TANC2: variants seen among roughly 807,000 people sequenced by gnomAD.
TANC2 encodes protein TANC2.
TANC2 carries 26 observed loss-of-function variants against 210.5 expected under a neutral mutation model. That is an observed-to-expected ratio of 0.12 (90% CI 0.09 to 0.17). The LOEUF (loss-of-function observed/expected upper bound fraction) is 0.17. Ranked by LOEUF, TANC2 falls within the 10% of genes least tolerant of loss-of-function variation. The probability of loss-of-function intolerance (pLI) is 1.00; values close to 1 mark genes in which losing one functional copy is unlikely to be tolerated. For missense variants in TANC2, 2,129 were observed against 2,608.9 expected, an observed-to-expected ratio of 0.82 and a Z score of 4.01; for synonymous variants, 931 against 967.1, an observed-to-expected ratio of 0.96 and a Z score of 0.69.
intron 14 of TANC2, among the ~76,000 whole-genome samples, chr17:63,366,260 A>C (rs541563063): frequency 6.0e-4 from 92 of 152,334 alleles, no homozygotes; most frequent in Non-Finnish European, 1.1e-3. Flanking sequence ...TTTATTAAGT[A>C]ATATATTTAA....
chr17:63,179,852 C>G (rs2040717162), intron 5 of TANC2, among the ~76,000 whole-genome samples: 1 of 151,532 alleles, frequency 6.6e-6, no homozygotes, highest in Admixed American at 6.6e-5. Flanking sequence ...CTTTAATTTA[C>G]AAAATATTTC....
intron 4 of TANC2, among the ~76,000 whole-genome samples, chr17:63,110,479 TTC>T: frequency 6.6e-6 from 1 of 151,832 alleles, no homozygotes; most frequent in South Asian, 2.1e-4. Context: ...GAAATCTATT[TTC>T]TCACAGTTCT....
intron 2 of TANC2, among the ~76,000 whole-genome samples, chr17:63,037,885 ATTAG>A (rs921848246): frequency 1.3e-5 from 2 of 152,128 alleles, no homozygotes; most frequent in Non-Finnish European, 2.9e-5. Context: ...AAACTAACTT[ATTAG>A]TTCTAATCGA....
chr17:63,321,551 A>T (rs557269068), intron 11 of TANC2, among the ~76,000 whole-genome samples: 2 of 152,304 alleles, frequency 1.3e-5, no homozygotes, highest in African/African-American at 4.8e-5. Context: ...CCCAAAAGTC[A>T]GTATTCCTAA....
chr17:63,212,958 A>G (rs7218735), intron 7 of TANC2, among the ~76,000 whole-genome samples: 3,761 of 152,340 alleles, frequency 0.025, 155 homozygotes, highest in African/African-American at 0.085. Flanking sequence ...TATGAGACAT[A>G]TATCTGCTAA....
At chr17:63,323,239 A>G (rs1332719574) in intron 11 of TANC2, among the ~76,000 whole-genome samples, 1 of 152,168 alleles carries the variant, frequency 6.6e-6, no homozygotes, top group Non-Finnish European at 1.5e-5. Flanking sequence ...TCAATTTGAC[A>G]TATTCTTGGT....
chr17:63,220,077 C>T (rs142572019), intron 7 of TANC2, among the ~76,000 whole-genome samples: 12 of 151,998 alleles, frequency 7.9e-5, no homozygotes, highest in South Asian at 2.1e-4. Context: ...GGTGGATCAC[C>T]GGAGGTCAGG....
chr17:63,287,059 G>A (rs569249461), intron 9 of TANC2, among the ~76,000 whole-genome samples: 4 of 152,012 alleles, frequency 2.6e-5, no homozygotes, highest in East Asian at 3.9e-4. Context: ...TCAGCCTCCC[G>A]AGTAGCTGCA....
intron 3 of TANC2, among the ~76,000 whole-genome samples, chr17:63,096,901 T>A (rs1055740382): frequency 6.6e-6 from 1 of 152,198 alleles, no homozygotes; most frequent in Non-Finnish European, 1.5e-5. Context: ...ATTTTTTTAT[T>A]ATACCCATTT....
chr17:63,078,121 T>A lies in TANC2; in HGVS notation c.139+4107T>A, dbSNP rs185845714. 4.1e-3 allele frequency among the ~76,000 whole-genome samples: 618 copies of A among 152,300 alleles called. 5 individuals carry two copies. The highest frequency in any genetic ancestry group is 0.014 in the African/African-American group (599 of 41,586). ...TTTCATCCTTAACTGTTTGATACAA[T>A]TTCTCAGAAGCTAATTGGGCTTGGA... On this transcript the variant is annotated intron_variant, in intron 3 of 27. Transcript: ENST00000689528.
intron 8 of TANC2, among the ~76,000 whole-genome samples, chr17:63,264,144 AAAGAC>A (rs1395064845): frequency 6.6e-6 from 1 of 152,198 alleles, no homozygotes; most frequent in African/African-American, 2.4e-5. Flanking sequence ...CAGAACCAAA[AAAGAC>A]AAGCCCAGTT....
At chr17:63,203,873 G>C (rs1161121821) in intron 7 of TANC2, among the ~76,000 whole-genome samples, 1 of 152,116 alleles carries the variant, frequency 6.6e-6, no homozygotes, top group Non-Finnish European at 1.5e-5. Flanking sequence ...CATGTTCCAA[G>C]GAAGGTGTGT....
chr17:62,973,472 T>C (rs1479654743), intron 1 of TANC2, among the ~76,000 whole-genome samples: 3 of 152,232 alleles, frequency 2.0e-5, no homozygotes, highest in African/African-American at 7.2e-5. Context: ...TGAGTGAGGA[T>C]TGTTGACCGT....
intron 7 of TANC2, among the ~76,000 whole-genome samples, chr17:63,219,810 A>G (rs1162778708): frequency 1.3e-5 from 2 of 152,212 alleles, no homozygotes; most frequent in East Asian, 3.8e-4. Flanking sequence ...AAGAAATAAA[A>G]GCAAAAATTA....
At chr17:63,262,917 AT>A (rs1049568300) in intron 8 of TANC2, among the ~76,000 whole-genome samples, 1 of 151,986 alleles carries the variant, frequency 6.6e-6, no homozygotes, top group Non-Finnish European at 1.5e-5. Flanking sequence ...TGAGATAAAG[AT>A]TTTTTTTAAT....
Position 63,220,573 on chromosome 17 carries a change from G to C in TANC2, c.770-17241G>C, listed in dbSNP as rs564359376. Among the ~76,000 whole-genome samples, 29 of 151,002 alleles carry C rather than the reference G, an allele frequency of 1.9e-4. No homozygotes were observed. In the East Asian group the frequency reaches 5.1e-3, roughly 27 times the overall value. On this transcript the variant is annotated intron_variant, in intron 7 of 27. Coordinates refer to ENST00000689528, the Ensembl canonical transcript of TANC2. ...AAAAAAATTAGCCAGGTGTGGTAGC[G>C]CGTGTCTCTAGTCCCAGCTACCTGG...
At chr17:63,362,913 G>A (rs547681778) in intron 14 of TANC2, among the ~76,000 whole-genome samples, 3 of 152,110 alleles carry the variant, frequency 2.0e-5, no homozygotes, top group Non-Finnish European at 4.4e-5. Flanking sequence ...GCTCACCCTA[G>A]ACTCTATTTA....
At chr17:63,387,346 A>C (rs1438287312) in intron 15 of TANC2, among the ~76,000 whole-genome samples, 1 of 152,136 alleles carries the variant, frequency 6.6e-6, no homozygotes, top group Non-Finnish European at 1.5e-5. Flanking sequence ...GTTTTTTCCT[A>C]ACCCACTTTA....
At chr17:63,332,565 G>T in intron 11 of TANC2, 1 of 320,890 alleles carries the variant, frequency 3.1e-6, no homozygotes, top group Non-Finnish European at 6.0e-6. Context: ...GGTCACACAG[G>T]CCCCGCTGCC....
Sources: allele counts gnomAD v4.1 joint callset (sites outside exome capture counted in the v4.1 genomes callset), GRCh38; gene constraint gnomAD v4.1.1; transcripts MANE v1.5; gene names NCBI Gene and HGNC (gene_info 2026-07-23, HGNC 2026-07-21).